Variants in CCDC178 observed in about 807,000 individuals in gnomAD.
CCDC178 encodes coiled-coil domain containing 178.
In CCDC178, 126 loss-of-function variants were observed where a neutral mutation model predicts 117.4. The observed-to-expected ratio is 1.07, with a 90% confidence interval of 0.93 to 1.24. CCDC178 has a LOEUF of 1.24. CCDC178 is among the 50% of genes most tolerant of loss of function. The pLI, the probability that CCDC178 is intolerant of heterozygous loss-of-function variation, is 0.00. For missense variants in CCDC178, 1,030 were observed against 986.9 expected (o/e 1.04, Z -0.59); for synonymous variants, 283 against 313.4 (o/e 0.90, Z 1.02).
At chr18:33,045,084 T>A (rs2056617661) in intron 21 of CCDC178, among the ~76,000 whole-genome samples, 1 of 152,034 alleles carries the variant, frequency 6.6e-6, no homozygotes, top group African/African-American at 2.4e-5. Flanking sequence ...ATGGTTTCAG[T>A]AAAAACCCAG....
chr18:32,990,885 T>C (rs1431654268), intron 21 of CCDC178, among the ~76,000 whole-genome samples: 1 of 150,888 alleles, frequency 6.6e-6, no homozygotes, highest in Non-Finnish European at 1.5e-5. Flanking sequence ...GAGCAAAAGA[T>C]TTTTTTTTCA....
Position 33,211,964 on chromosome 18 carries a change from T to G in CCDC178, c.2170A>C (p.Ile724Leu), listed in dbSNP as rs756973406. The G allele has an allele frequency of 6.2e-7, 1 of 1,610,476 alleles. No individual in the cohort carries two copies. Among genetic ancestry groups the G allele is most frequent in the South Asian group, 1.1e-5 (1 of 90,772 alleles). ...CTAAATCTCTGATCTTCCTCAAAGA[T>G]TCTCTCTTCACAGTCTTTTTTCTCT... The part of the protein sequence containing the change: ...MQEKKDCEER[I>L]FEEDQRFRVL... The change falls in exon 20 of 23, where the codon ATC (isoleucine) becomes CTC (leucine). Residue 724 changes from isoleucine (I) to leucine (L), a missense_variant. By Grantham distance (5) the Ile-to-Leu change is conservative. Transcript: ENST00000383096.
At chr18:33,415,341 C>T (rs2063921766) in intron 2 of CCDC178, among the ~76,000 whole-genome samples, 1 of 152,116 alleles carries the variant, frequency 6.6e-6, no homozygotes, top group East Asian at 1.9e-4. Context: ...GAAAATGTGG[C>T]ACATATACAC....
intron 2 of CCDC178, among the ~76,000 whole-genome samples, chr18:33,437,440 G>C (rs919458644): frequency 6.6e-6 from 1 of 152,038 alleles, no homozygotes; most frequent in African/African-American, 2.4e-5. Context: ...AACATGCCCA[G>C]GTATCTCATC....
At chr18:33,025,954 T>C (rs2056220503) in intron 21 of CCDC178, among the ~76,000 whole-genome samples, 1 of 152,026 alleles carries the variant, frequency 6.6e-6, no homozygotes, top group Admixed American at 6.6e-5. Context: ...TAGCTAAAAA[T>C]TGAAGACACT....
intron 20 of CCDC178, among the ~76,000 whole-genome samples, chr18:33,175,947 T>C (rs1370535467): frequency 6.6e-6 from 1 of 152,192 alleles, no homozygotes; most frequent in Non-Finnish European, 1.5e-5. Flanking sequence ...ATACTCTTCA[T>C]AGAACATTCC....
At chr18:33,295,691 C>T (rs1431515905) in intron 11 of CCDC178, among the ~76,000 whole-genome samples, 1 of 152,072 alleles carries the variant, frequency 6.6e-6, no homozygotes, top group African/African-American at 2.4e-5. Flanking sequence ...AAAAGATGTA[C>T]ATCACAATTT....
At chr18:32,987,982 C>G in intron 21 of CCDC178, among the ~76,000 whole-genome samples, 1 of 151,784 alleles carries the variant, frequency 6.6e-6, no homozygotes, top group Non-Finnish European at 1.5e-5. Flanking sequence ...GAGACTGAGG[C>G]AGGAGAATCG....
At chr18:33,336,594 T>C (rs571927250) in intron 9 of CCDC178, among the ~76,000 whole-genome samples, 1 of 152,116 alleles carries the variant, frequency 6.6e-6, no homozygotes. Flanking sequence ...GAACACCCTA[T>C]TCTCAAAACT....
intron 2 of CCDC178, among the ~76,000 whole-genome samples, chr18:33,413,882 G>T (rs2063894885): frequency 6.6e-6 from 1 of 152,116 alleles, no homozygotes; most frequent in South Asian, 2.1e-4. Flanking sequence ...GAATGAAACA[G>T]AAATAAAATC....
At chr18:33,272,241 C>CA (rs1464180310) in intron 12 of CCDC178, among the ~76,000 whole-genome samples, 1 of 151,278 alleles carries the variant, frequency 6.6e-6, no homozygotes. Flanking sequence ...TATGAACCTT[C>CA]AAAAAGTGAT....
chr18:33,067,379 A>C (rs2057035137), intron 21 of CCDC178, among the ~76,000 whole-genome samples: 1 of 152,226 alleles, frequency 6.6e-6, no homozygotes, highest in African/African-American at 2.4e-5. Flanking sequence ...AGTTTAAACC[A>C]ATAAATGTCT....
At chr18:33,173,297 G>A (rs779288892) in intron 20 of CCDC178, among the ~76,000 whole-genome samples, 11 of 152,140 alleles carry the variant, frequency 7.2e-5, no homozygotes, top group Non-Finnish European at 1.3e-4. Flanking sequence ...TGATCTGCCT[G>A]CCTCAGCCTC....
intron 21 of CCDC178, among the ~76,000 whole-genome samples, chr18:33,014,350 G>C (rs1465861642): frequency 1.3e-5 from 2 of 152,188 alleles, no homozygotes; most frequent in Admixed American, 6.5e-5. Flanking sequence ...CAATCAGTAG[G>C]AACTGTTTGA....
intron 20 of CCDC178, among the ~76,000 whole-genome samples, chr18:33,139,637 G>A (rs1367670243): frequency 1.3e-5 from 2 of 152,296 alleles, no homozygotes; most frequent in East Asian, 3.9e-4. Flanking sequence ...GTATCTGGCA[G>A]AAGAAATTTC....
intron 14 of CCDC178, among the ~76,000 whole-genome samples, chr18:33,260,153 T>C (rs2059725663): frequency 6.6e-6 from 1 of 152,032 alleles, no homozygotes; most frequent in Admixed American, 6.5e-5. Flanking sequence ...CCTATGACCA[T>C]TTTGCCTGCT....
At chr18:33,349,786 T>TA (rs575959207) in intron 7 of CCDC178, among the ~76,000 whole-genome samples, 3 of 151,822 alleles carry the variant, frequency 2.0e-5, no homozygotes, top group Non-Finnish European at 3.0e-5. Context: ...CCAAAAATCA[T>TA]AAAAAATAAT....
intron 20 of CCDC178, among the ~76,000 whole-genome samples, chr18:33,116,962 G>A (rs1042752368): frequency 7.9e-5 from 12 of 152,106 alleles, no homozygotes; most frequent in Non-Finnish European, 1.6e-4. Context: ...CATTTCCTAT[G>A]AGCAGTGTAC....
At chr18:33,321,224 C>T (rs1417229353) in intron 11 of CCDC178, among the ~76,000 whole-genome samples, 2 of 152,076 alleles carry the variant, frequency 1.3e-5, no homozygotes, top group African/African-American at 4.8e-5. Flanking sequence ...GCAACAAAAG[C>T]CAAAATTGAC....
Sources: allele counts gnomAD v4.1 joint callset (sites outside exome capture counted in the v4.1 genomes callset), GRCh38; gene constraint gnomAD v4.1.1; transcripts MANE v1.5; gene names NCBI Gene and HGNC (gene_info 2026-07-23, HGNC 2026-07-21).